The following RCAN1 variants were observed in gnomAD, a reference collection of about 807,000 sequenced individuals.
RCAN1 encodes calcipressin-1.
RCAN1 carries 11 observed loss-of-function variants against 22.9 expected under a neutral mutation model. That is an observed-to-expected ratio of 0.48 (90% CI 0.30 to 0.79). The LOEUF is 0.79. Ranked by LOEUF, RCAN1 falls within the 30% of genes least tolerant of loss-of-function variation. The pLI is 0.06. For synonymous variants in RCAN1, 136 were observed against 142.3 expected (o/e 0.96, Z 0.32); for missense variants, 291 against 337.8 (o/e 0.86, Z 1.09).
chr21:34,527,197 CAAAAGAAA>C (rs1985120482), intron 1 of RCAN1, among the ~76,000 whole-genome samples: 1 of 152,054 alleles, frequency 6.6e-6, no homozygotes, highest in East Asian at 1.9e-4. Flanking sequence ...GAAAATGTTA[CAAAAGAAA>C]AAGGATGAAG....
At chr21:34,524,834 G>A (rs115753443) in intron 1 of RCAN1, among the ~76,000 whole-genome samples, 1 of 152,284 alleles carries the variant, frequency 6.6e-6, no homozygotes, top group African/African-American at 2.4e-5. Context: ...CTGGGTCCTG[G>A]AGTGTGGCTG....
rs138779794 is a variant in RCAN1, at chr21:34,592,246, G to T, written c.252+22514C>A. Among the ~76,000 whole-genome samples the T allele has an allele frequency of 5.5e-3, 838 of 152,324 alleles. 3 individuals are homozygous for T. Among genetic ancestry groups the T allele is most frequent in the Middle Eastern group, 0.017 (5 of 294 alleles). On this transcript the variant is annotated intron_variant, in intron 1 of 3. Coordinates refer to ENST00000313806, the MANE Select transcript of RCAN1 (RefSeq NM_004414.7). ...AGCCCACCTGGGCACCTGGCATCAA[G>T]GCCACCCTCTGCCCTGGTCTGCGTG...
Position 34,534,899 on chromosome 21 carries a change from C to T in RCAN1, c.253-11189G>A, listed in dbSNP as rs540389184. On this transcript the variant is annotated intron_variant, in intron 1 of 3. Coordinates refer to ENST00000313806, the MANE Select transcript of RCAN1 (RefSeq NM_004414.7). The stretch of plus-strand genomic sequence containing the variant: ...GCACCATCACATGGAGACTGGGAGG[C>T]CCGACCACATGGACACTGCTGAGGG... 5.9e-5 allele frequency among the ~76,000 whole-genome samples: 9 copies of T among 152,292 alleles called. No individual in the cohort carries two copies. In the East Asian group the frequency reaches 1.7e-3, roughly 29 times the overall value.
At chr21:34,564,181 A>T (rs1986919692) in intron 1 of RCAN1, among the ~76,000 whole-genome samples, 2 of 152,100 alleles carry the variant, frequency 1.3e-5, no homozygotes, top group Admixed American at 1.3e-4. Context: ...CTATCACAAG[A>T]ACAGCATGGG....
At chr21:34,532,859 G>A (rs981123617) in intron 1 of RCAN1, among the ~76,000 whole-genome samples, 2 of 151,912 alleles carry the variant, frequency 1.3e-5, no homozygotes, top group Non-Finnish European at 2.9e-5. Context: ...TCTTACTTTC[G>A]AACATTGCAA....
intron 1 of RCAN1, among the ~76,000 whole-genome samples, chr21:34,557,485 A>G (rs973026882): frequency 4.5e-4 from 68 of 152,210 alleles, no homozygotes; most frequent in Non-Finnish European, 1.0e-4. Context: ...GTCAAAGGGA[A>G]GGCTAGAAAG....
At chr21:34,564,306 C>A (rs1986926053) in intron 1 of RCAN1, among the ~76,000 whole-genome samples, 1 of 152,162 alleles carries the variant, frequency 6.6e-6, no homozygotes, top group Non-Finnish European at 1.5e-5. Context: ...CAAACCATAT[C>A]AGGCGGGGGG....
chr21:34,516,946 A>G lies in RCAN1; in HGVS notation c.*1138T>C, dbSNP rs551602359. 2.0e-5 allele frequency: 3 copies of G among 152,820 alleles called. No homozygotes were observed. The South Asian group carries it at 6.2e-4, about 32-fold the overall frequency. 9.5% of individuals were successfully genotyped at this position (152,820 alleles called of 1,614,324 possible). ...ATCCCTCTCATATCGCCACAGATCTACTATCCACTTGACATGCTTTGAATT... is the reference window on the plus strand; with the variant it reads ...ATCCCTCTCATATCGCCACAGATCTGCTATCCACTTGACATGCTTTGAATT... On this transcript the variant is annotated 3_prime_UTR_variant, in exon 4 of 4. Coordinates refer to ENST00000313806, the MANE Select transcript of RCAN1 (RefSeq NM_004414.7).
At chr21:34,566,279 C>T (rs2284593) in intron 1 of RCAN1, among the ~76,000 whole-genome samples, 36,844 of 152,106 alleles carry the variant, frequency 0.24, 5,215 homozygotes, top group African/African-American at 0.39. Flanking sequence ...GAACCCCAGA[C>T]CCACTCAATA....
intron 1 of RCAN1, among the ~76,000 whole-genome samples, chr21:34,563,794 T>TATATATATATAGAG (rs765741781): frequency 1.2e-4 from 6 of 48,728 alleles, no homozygotes; most frequent in African/African-American, 5.0e-4. Flanking sequence ...TATATATATA[T>TATATATATATAGAG]AGAGAGAGAG....
chr21:34,596,903 C>A (rs556027694), intron 1 of RCAN1, among the ~76,000 whole-genome samples: 1 of 152,124 alleles, frequency 6.6e-6, no homozygotes, highest in Admixed American at 6.5e-5. Flanking sequence ...CTGTGCTGTG[C>A]GTTGGTCTGC....
At chr21:34,525,509 T>A (rs1984985098) in intron 1 of RCAN1, 1 of 817,162 alleles carries the variant, frequency 1.2e-6, no homozygotes, top group South Asian at 2.6e-5. Context: ...TTGTATGACC[T>A]CATCAATAGG....
At chr21:34,523,784 C>A in intron 1 of RCAN1, 74 bp from the exon 2 acceptor site, 1 of 1,008,546 alleles carries the variant, frequency 9.9e-7, no homozygotes, top group Non-Finnish European at 1.4e-6. Context: ...GATGTCATTA[C>A]TTTTTTTTTT....
intron 1 of RCAN1, among the ~76,000 whole-genome samples, chr21:34,570,002 C>T (rs1987177380): frequency 6.6e-6 from 1 of 152,178 alleles, no homozygotes; most frequent in Admixed American, 6.5e-5. Flanking sequence ...GTGGGCCTGC[C>T]CATGGCTTCT....
chr21:34,526,395 A>T (rs2123591384), intron 1 of RCAN1, among the ~76,000 whole-genome samples: 1 of 152,380 alleles, frequency 6.6e-6, no homozygotes, highest in South Asian at 2.1e-4. Flanking sequence ...ACACAGAATG[A>T]AAAACACACG....
chr21:34,540,713 G>A (rs1018689719), intron 1 of RCAN1, among the ~76,000 whole-genome samples: 14 of 152,082 alleles, frequency 9.2e-5, no homozygotes, highest in South Asian at 4.1e-4. Flanking sequence ...TGGGCCAGGC[G>A]TGGTGGCTCA....
At chr21:34,563,140 C>G (rs940094609) in intron 1 of RCAN1, among the ~76,000 whole-genome samples, 1 of 152,174 alleles carries the variant, frequency 6.6e-6, no homozygotes, top group Non-Finnish European at 1.5e-5. Context: ...TTAGAACTAA[C>G]ATCTAAAGCA....
At chr21:34,535,409 T>TA (rs951108421) in intron 1 of RCAN1, among the ~76,000 whole-genome samples, 2 of 151,960 alleles carry the variant, frequency 1.3e-5, no homozygotes, top group African/African-American at 4.8e-5. Context: ...ACCTTTTTTT[T>TA]TTTTGATGGG....
intron 1 of RCAN1, among the ~76,000 whole-genome samples, chr21:34,596,532 G>T (rs1041895571): frequency 6.6e-6 from 1 of 152,178 alleles, no homozygotes; most frequent in Non-Finnish European, 1.5e-5. Flanking sequence ...CGAAGGCTCT[G>T]CTTTCTATAT....
Sources: allele counts gnomAD v4.1 joint callset (sites outside exome capture counted in the v4.1 genomes callset), GRCh38; gene constraint gnomAD v4.1.1; transcripts MANE v1.5; gene names NCBI Gene and HGNC (gene_info 2026-07-23, HGNC 2026-07-21).